Variants in KAZN observed in about 807,000 individuals in gnomAD.
KAZN encodes kazrin, periplakin interacting protein.
In KAZN, 40 loss-of-function variants were observed where a neutral mutation model predicts 87.4. The ratio of observed to expected loss-of-function variants is 0.46; its 90% CI spans 0.36 to 0.60. The LOEUF is 0.60. KAZN is among the 20% of genes least tolerant of loss of function. The pLI is 0.00. For synonymous variants in KAZN, 466 were observed against 458.3 expected (o/e 1.02, Z -0.22); for missense variants, 898 against 1,073.9 (o/e 0.84, Z 2.29).
In KAZN at chr1:14,644,073, G is replaced by A. The variant is rs148724803; in HGVS notation, c.226+44850G>A. 2.2e-4 allele frequency among the ~76,000 whole-genome samples: 30 copies of A among 139,420 alleles called. No individual in the cohort carries two copies. The East Asian group carries it at 5.4e-3, about 25-fold the overall frequency. 91.5% of individuals were successfully genotyped at this position (139,420 alleles called of 152,430 possible). A position where few individuals can be genotyped will look rare whatever the true frequency, so the allele number is the denominator to read the frequency against. On this transcript the variant is annotated intron_variant, in intron 1 of 14. Transcript: ENST00000376030. ...GTTGCCCTGGCTGGAGTGCAGTGGCGCAATCTCCGCTCACTGCAACCTCCA... is the reference window on the plus strand; with the variant it reads ...GTTGCCCTGGCTGGAGTGCAGTGGCACAATCTCCGCTCACTGCAACCTCCA...
Position 14,195,511 on chromosome 1 carries a change from TCACA to T in KAZN, c.249+14948_249+14951del, listed in dbSNP as rs55792359. Among the ~76,000 whole-genome samples, 270 of 146,188 alleles carry T rather than the reference TCACA, an allele frequency of 1.8e-3. 1 individual carries two copies. Among genetic ancestry groups the T allele is most frequent in the Middle Eastern group, 3.4e-3 (1 of 292 alleles). On this transcript the variant is annotated intron_variant, in intron 2 of 16. Transcript: ENST00000636203. The stretch of plus-strand genomic sequence containing the variant: ...CAGGGATTCCAATTACAAAAACGGC[TCACA>T]CACACACACACACACACACACACAC...
At chr1:14,523,607 C>G (rs984705977) in intron 2 of KAZN, among the ~76,000 whole-genome samples, 6 of 152,238 alleles carry the variant, frequency 3.9e-5, no homozygotes, top group African/African-American at 1.4e-4. Flanking sequence ...AATCCCAGCA[C>G]TTCCTTCACT....
chr1:14,169,575 G>A (rs2100251804), intron 1 of KAZN, among the ~76,000 whole-genome samples: 1 of 152,306 alleles, frequency 6.6e-6, no homozygotes, highest in Middle Eastern at 3.4e-3. Flanking sequence ...TTCCCAGTGA[G>A]CCCCCAATGC....
intron 2 of KAZN, among the ~76,000 whole-genome samples, chr1:14,244,901 G>A (rs991483781): frequency 1.3e-5 from 2 of 152,066 alleles, no homozygotes; most frequent in African/African-American, 4.8e-5. Flanking sequence ...GGCAATTGTA[G>A]TATTCTGAGC....
At chr1:14,991,351 C>CA (rs911725628) in intron 2 of KAZN, among the ~76,000 whole-genome samples, 4 of 151,262 alleles carry the variant, frequency 2.6e-5, no homozygotes, top group East Asian at 1.9e-4. Context: ...GACTCTGTGT[C>CA]AAAAAAAAGA....
At chr1:14,119,106 C>G (rs756044658) in intron 1 of KAZN, among the ~76,000 whole-genome samples, 19 of 152,298 alleles carry the variant, frequency 1.2e-4, no homozygotes, top group Middle Eastern at 3.4e-3. Flanking sequence ...AGAGACAACA[C>G]TAGGTAAGAA....
intron 1 of KAZN, among the ~76,000 whole-genome samples, chr1:14,948,761 C>T (rs1256030162): frequency 2.0e-5 from 3 of 152,108 alleles, no homozygotes; most frequent in Admixed American, 6.5e-5. Flanking sequence ...AGGAGTCTTC[C>T]TTGTACCAAT....
At chr1:13,969,745 T>A (rs1642071870) in intron 1 of KAZN, among the ~76,000 whole-genome samples, 1 of 152,086 alleles carries the variant, frequency 6.6e-6, no homozygotes, top group African/African-American at 2.4e-5. Flanking sequence ...GTGACACCAG[T>A]CTTCACTTGG....
intron 1 of KAZN, among the ~76,000 whole-genome samples, chr1:14,689,913 A>C (rs1175379521): frequency 6.6e-6 from 1 of 152,198 alleles, no homozygotes; most frequent in African/African-American, 2.4e-5. Context: ...ATCATTTCCC[A>C]GGGTTATTCC....
chr1:14,490,216 A>G (rs1273652062), intron 2 of KAZN, among the ~76,000 whole-genome samples: 1 of 152,166 alleles, frequency 6.6e-6, no homozygotes, highest in Non-Finnish European at 1.5e-5. Context: ...TGTTCTACTA[A>G]TGGGTGAAGG....
At chr1:14,226,613 G>A (rs747629036) in intron 2 of KAZN, among the ~76,000 whole-genome samples, 1 of 152,068 alleles carries the variant, frequency 6.6e-6, no homozygotes, top group Non-Finnish European at 1.5e-5. Context: ...AATGTTCATC[G>A]CAGCACTATT....
chr1:14,205,178 C>CT, intron 2 of KAZN, among the ~76,000 whole-genome samples: 1 of 152,264 alleles, frequency 6.6e-6, no homozygotes, highest in East Asian at 1.9e-4. Flanking sequence ...TTCACTGGTA[C>CT]TTTAAGTCTC....
Position 14,604,493 on chromosome 1 carries a change from C to T in KAZN, c.226+5270C>T, listed in dbSNP as rs149844153. Among the ~76,000 whole-genome samples the T allele has an allele frequency of 1.7e-4, 26 of 152,268 alleles. No homozygotes were observed. In the South Asian group the frequency reaches 2.1e-3, roughly 12 times the overall value. On this transcript the variant is annotated intron_variant, in intron 1 of 14. Transcript: ENST00000376030. ...CCTTCTTCCTCCCCGTGTGGTTGCA[C>T]GACACCAGAACATTCTTGCTTGTTT...
At chr1:15,008,514 C>T (rs1467248662) in intron 2 of KAZN, among the ~76,000 whole-genome samples, 3 of 152,208 alleles carry the variant, frequency 2.0e-5, no homozygotes, top group Admixed American at 6.5e-5. Context: ...AATGCCCTGC[C>T]GGGTTTCCAG....
chr1:14,789,144 C>T (rs1645597759), intron 1 of KAZN, among the ~76,000 whole-genome samples: 2 of 152,148 alleles, frequency 1.3e-5, no homozygotes, highest in South Asian at 4.1e-4. Context: ...CTGAGCATCT[C>T]CCAGGAGGGG....
intron 1 of KAZN, among the ~76,000 whole-genome samples, chr1:14,649,074 G>C (rs1681024176): frequency 6.6e-6 from 1 of 152,208 alleles, no homozygotes; most frequent in Non-Finnish European, 1.5e-5. Flanking sequence ...TTTGCCACTG[G>C]ATCTCAGCAT....
intron 1 of KAZN, among the ~76,000 whole-genome samples, chr1:14,140,810 T>C (rs1273884616): frequency 6.6e-6 from 1 of 152,140 alleles, no homozygotes; most frequent in Admixed American, 6.5e-5. Flanking sequence ...AGCCTGAGTC[T>C]GTACCTGTCC....
intron 1 of KAZN, among the ~76,000 whole-genome samples, chr1:13,984,237 T>C (rs757241191): frequency 1.3e-5 from 2 of 152,096 alleles, no homozygotes; most frequent in Non-Finnish European, 2.9e-5. Flanking sequence ...GTCTTGATCT[T>C]CTGACCTCGT....
intron 1 of KAZN, among the ~76,000 whole-genome samples, chr1:14,152,024 ATATTT>A (rs781436390): frequency 6.6e-6 from 1 of 152,232 alleles, no homozygotes. Context: ...CTTTTAAAAA[ATATTT>A]TAATTTTAAT....
Sources: allele counts gnomAD v4.1 joint callset (sites outside exome capture counted in the v4.1 genomes callset), GRCh38; gene constraint gnomAD v4.1.1; transcripts MANE v1.5; gene names NCBI Gene and HGNC (gene_info 2026-07-23, HGNC 2026-07-21).